The following OPHN1 variants were observed in gnomAD, a reference collection of about 807,000 sequenced individuals.
OPHN1 encodes the protein oligophrenin 1.
OPHN1 carries 11 observed loss-of-function variants against 60.7 expected under a neutral mutation model. That is an observed-to-expected ratio of 0.18 (90% CI 0.11 to 0.30). The LOEUF (loss-of-function observed/expected upper bound fraction) is 0.30, where lower values mean the gene tolerates loss of function less well. Among genes scored for constraint, OPHN1 ranks in the 10% least tolerant of loss-of-function variants. The probability of loss-of-function intolerance (pLI) is 1.00; values close to 1 mark genes in which losing one functional copy is unlikely to be tolerated. For synonymous variants in OPHN1, 226 were observed against 222.6 expected, an observed-to-expected ratio of 1.02 and a Z score of -0.14; for missense variants, 449 against 611.0, an observed-to-expected ratio of 0.73 and a Z score of 2.80.
chrX:68,240,351 C>T (rs1258980467), intron 5 of OPHN1, among the ~76,000 whole-genome samples: 1 of 111,582 alleles, frequency 9.0e-6, no homozygotes, highest in East Asian at 2.8e-4. Flanking sequence ...AGGATTTGAA[C>T]CGACTCATTT....
intron 5 of OPHN1, among the ~76,000 whole-genome samples, chrX:68,255,740 AAC>A (rs747223446): frequency 2.2e-3 from 221 of 100,726 alleles, no homozygotes; most frequent in African/African-American, 5.4e-3. Flanking sequence ...CACACACACA[AAC>A]ACACACACAC....
At chrX:68,393,274 C>T (rs2078663181) in intron 2 of OPHN1, among the ~76,000 whole-genome samples, 1 of 112,137 alleles carries the variant, frequency 8.9e-6, no homozygotes, top group Non-Finnish European at 1.9e-5. Flanking sequence ...CAAAACAAAA[C>T]AAACAAAAAA....
chrX:68,240,161 A>G (rs1311700257), intron 5 of OPHN1, among the ~76,000 whole-genome samples: 1 of 112,363 alleles, frequency 8.9e-6, no homozygotes, highest in East Asian at 2.8e-4. Context: ...GGGTTAAACA[A>G]TAGTAGACAA....
At chrX:68,361,806 T>G (rs1163328656) in intron 2 of OPHN1, among the ~76,000 whole-genome samples, 4 of 111,954 alleles carry the variant, frequency 3.6e-5, no homozygotes, top group Non-Finnish European at 7.5e-5. Context: ...AATATCATAC[T>G]GTATTCAATA....
chrX:68,349,279 T>C (rs2078394322), intron 2 of OPHN1, among the ~76,000 whole-genome samples: 1 of 111,442 alleles, frequency 9.0e-6, no homozygotes, highest in Non-Finnish European at 1.9e-5. Context: ...AAAGAAGACA[T>C]TTATGCAGCC....
At chrX:68,196,928 G>C (rs1236183894) in intron 12 of OPHN1, among the ~76,000 whole-genome samples, 2 of 111,833 alleles carry the variant, frequency 1.8e-5, no homozygotes, top group African/African-American at 6.5e-5. Context: ...TCTAACACTA[G>C]AGCAGGGAGC....
chrX:68,395,632 A>G (rs1163202943), intron 2 of OPHN1, among the ~76,000 whole-genome samples: 1 of 110,376 alleles, frequency 9.1e-6, no homozygotes, highest in Non-Finnish European at 1.9e-5. Flanking sequence ...TTTTTAGTAG[A>G]AATGGGGTTT....
intron 21 of OPHN1, among the ~76,000 whole-genome samples, chrX:68,061,447 C>T (rs1350098470): frequency 9.0e-6 from 1 of 110,970 alleles, no homozygotes; most frequent in African/African-American, 3.3e-5. Flanking sequence ...TTTACTGTGA[C>T]GAGTATAAGT....
Position 68,328,121 on chromosome X carries a change from G to A in OPHN1, c.155-29025C>T, listed in dbSNP as rs1157015443. On this transcript the variant is annotated intron_variant, in intron 2 of 24. Coordinates refer to ENST00000355520, the MANE Select transcript of OPHN1 (RefSeq NM_002547.3). ...TGGGATTACAGGCGTGAGCCACCGC[G>A]CCCGGCCAAACTTTTTTTTTTTTTT... is the stretch of plus-strand genomic sequence containing the variant. 1.8e-4 allele frequency among the ~76,000 whole-genome samples: 16 copies of A among 90,598 alleles called. No individual in the cohort carries two copies. In the East Asian group the frequency reaches 4.1e-3, roughly 23 times the overall value. The allele number at this position is 90,598 out of a possible 115,157, so 78.7% of individuals were successfully genotyped here.
intron 2 of OPHN1, among the ~76,000 whole-genome samples, chrX:68,367,359 A>C (rs2078504965): frequency 1.9e-5 from 2 of 107,018 alleles, no homozygotes; most frequent in Non-Finnish European, 3.8e-5. Flanking sequence ...GTCTCGGGAA[A>C]AAAAAAAAAA....
intron 2 of OPHN1, among the ~76,000 whole-genome samples, chrX:68,379,503 G>A (rs747687811): frequency 9.6e-6 from 1 of 104,212 alleles, no homozygotes; most frequent in Non-Finnish European, 2.0e-5. Flanking sequence ...TCCCTGTCTT[G>A]TGCCAGTTTT....
chrX:68,058,259 A>AAC (rs745625536), intron 21 of OPHN1, among the ~76,000 whole-genome samples: 7,269 of 101,887 alleles, frequency 0.071, 409 homozygotes, highest in African/African-American at 0.18. Context: ...CCTACACTCT[A>AAC]ACACACACAC....
At chrX:68,295,611 G>A (rs1206920316) in intron 3 of OPHN1, among the ~76,000 whole-genome samples, 1 of 112,701 alleles carries the variant, frequency 8.9e-6, no homozygotes, top group Non-Finnish European at 1.9e-5. Context: ...ACAAGGCAAT[G>A]CCAAGAAGGC....
chrX:68,382,484 G>C (rs372096553), intron 2 of OPHN1, among the ~76,000 whole-genome samples: 1 of 111,877 alleles, frequency 8.9e-6, no homozygotes, highest in Non-Finnish European at 1.9e-5. Context: ...TTTCCTCATC[G>C]TAAAAATGGG....
chrX:68,268,837 A>G (rs1469025886), intron 5 of OPHN1, among the ~76,000 whole-genome samples: 1 of 111,757 alleles, frequency 8.9e-6, no homozygotes, highest in Non-Finnish European at 1.9e-5. Flanking sequence ...TATACCTAAA[A>G]AACCGCACTG....
chrX:68,392,408 T>C (rs1039515605), intron 2 of OPHN1, among the ~76,000 whole-genome samples: 1 of 110,483 alleles, frequency 9.1e-6, no homozygotes, highest in Non-Finnish European at 1.9e-5. Context: ...TCAAAAGTTA[T>C]AAGGAGATTT....
rs1485029604 is a variant in OPHN1, at chrX:68,323,413, C to A, written c.155-24317G>T. Reference sequence around the variant, plus strand: ...TGTAAGAGAGCTGTTGCTGTAAATTCTTTTCTGAGATTGCATACCCCCCTA... The same window carrying A: ...TGTAAGAGAGCTGTTGCTGTAAATTATTTTCTGAGATTGCATACCCCCCTA... On this transcript the variant is annotated intron_variant, in intron 2 of 24. Transcript: ENST00000355520. Among the ~76,000 whole-genome samples the A allele has an allele frequency of 3.6e-5, 4 of 111,348 alleles. No homozygotes were observed. The East Asian group carries it at 1.1e-3, about 31-fold the overall frequency.
At chrX:68,091,511 A>G (rs1308317088) in intron 19 of OPHN1, among the ~76,000 whole-genome samples, 2 of 111,325 alleles carry the variant, frequency 1.8e-5, no homozygotes, top group East Asian at 5.6e-4. Context: ...GCAGGAATGG[A>G]GCTGCAGAAA....
intron 4 of OPHN1, among the ~76,000 whole-genome samples, chrX:68,277,608 G>A (rs2077998100): frequency 1.8e-5 from 2 of 111,189 alleles, no homozygotes. Flanking sequence ...TGGTCAAAAT[G>A]GTGAAACCCC....
Sources: gnomAD v4.1 joint callset for allele counts (sites outside exome capture counted in the v4.1 genomes callset) on GRCh38, gnomAD v4.1.1 for gene constraint, MANE v1.5 for transcripts, NCBI Gene and HGNC (gene_info 2026-07-23, HGNC 2026-07-21) for gene names.